The following GPR158 variants were observed in gnomAD, a reference collection of about 807,000 sequenced individuals.
GPR158 encodes the protein metabotropic glycine receptor.
A neutral mutation model predicts 78.2 loss-of-function variants in GPR158; 30 were observed. That is an observed-to-expected ratio of 0.38 (90% confidence interval 0.29 to 0.52). GPR158 has a LOEUF of 0.52. Among genes scored for constraint, GPR158 ranks in the 20% least tolerant of loss-of-function variants. The probability of loss-of-function intolerance (pLI) is 0.83; values close to 1 mark genes in which losing one functional copy is unlikely to be tolerated. For missense variants in GPR158, 1,463 were observed against 1,523.5 expected, an observed-to-expected ratio of 0.96 and a Z score of 0.66; for synonymous variants, 581 against 591.1, an observed-to-expected ratio of 0.98 and a Z score of 0.25.
intron 5 of GPR158, among the ~76,000 whole-genome samples, chr10:25,522,798 G>A (rs142436726): frequency 5.3e-4 from 80 of 152,254 alleles, no homozygotes; most frequent in African/African-American, 1.8e-3. Flanking sequence ...ACTGTGAAGG[G>A]GAATTAGGAA....
chr10:25,360,868 A>T (rs943047476), intron 2 of GPR158, among the ~76,000 whole-genome samples: 1 of 152,022 alleles, frequency 6.6e-6, no homozygotes, highest in Non-Finnish European at 1.5e-5. Flanking sequence ...GGCCATTTTC[A>T]TGATATTGAT....
intron 8 of GPR158, among the ~76,000 whole-genome samples, chr10:25,592,407 A>C (rs1262362112): frequency 6.6e-6 from 1 of 152,102 alleles, no homozygotes; most frequent in East Asian, 1.9e-4. Context: ...AAAGCACAAG[A>C]CTTTTAAGTG....
At chr10:25,406,326 C>G (rs1302310558) in intron 3 of GPR158, among the ~76,000 whole-genome samples, 1 of 152,102 alleles carries the variant, frequency 6.6e-6, no homozygotes, top group East Asian at 1.9e-4. Flanking sequence ...GCATTGTATA[C>G]AGTTTTTAGA....
intron 2 of GPR158, among the ~76,000 whole-genome samples, chr10:25,353,583 T>C (rs1450731490): frequency 6.6e-6 from 1 of 152,060 alleles, no homozygotes; most frequent in Non-Finnish European, 1.5e-5. Flanking sequence ...TTATATTTTA[T>C]TGTGGGATTA....
At chr10:25,430,868 C>T (rs545487194) in intron 4 of GPR158, among the ~76,000 whole-genome samples, 3 of 151,534 alleles carry the variant, frequency 2.0e-5, no homozygotes, top group Admixed American at 1.3e-4. Context: ...AATTCAACAT[C>T]GATTAAAGAC....
intron 1 of GPR158, among the ~76,000 whole-genome samples, chr10:25,220,190 C>G (rs1441523688): frequency 6.6e-6 from 1 of 152,108 alleles, no homozygotes; most frequent in Non-Finnish European, 1.5e-5. Flanking sequence ...GCCCAGGATG[C>G]AGAATACTTA....
At chr10:25,247,902 C>T (rs1564401388) in intron 2 of GPR158, among the ~76,000 whole-genome samples, 1 of 147,996 alleles carries the variant, frequency 6.8e-6, no homozygotes, top group Non-Finnish European at 1.5e-5. Context: ...CTGACTTCCA[C>T]AATGGTTGAA....
chr10:25,182,433 A>G (rs1397367634), intron 1 of GPR158, among the ~76,000 whole-genome samples: 1 of 152,202 alleles, frequency 6.6e-6, no homozygotes, highest in East Asian at 1.9e-4. Context: ...GTTGGCTTTA[A>G]AATTTCAAAA....
intron 1 of GPR158, among the ~76,000 whole-genome samples, chr10:25,218,286 G>A (rs997687014): frequency 6.6e-6 from 1 of 152,108 alleles, no homozygotes. Context: ...TTTTGCACAA[G>A]CCTGGAATGC....
chr10:25,343,911 G>C (rs1003638058), intron 2 of GPR158, among the ~76,000 whole-genome samples: 2 of 151,956 alleles, frequency 1.3e-5, no homozygotes, highest in African/African-American at 4.8e-5. Context: ...AGGCACTGTT[G>C]AATCAGGTGT....
chr10:25,515,798 T>C (rs1335792912), intron 5 of GPR158, among the ~76,000 whole-genome samples: 5 of 148,198 alleles, frequency 3.4e-5, no homozygotes, highest in Non-Finnish European at 6.0e-5. Flanking sequence ...GTTCCAAGTC[T>C]TTGCTATTGT....
At chr10:25,246,587 A>T (rs1451196220) in intron 2 of GPR158, among the ~76,000 whole-genome samples, 3 of 152,220 alleles carry the variant, frequency 2.0e-5, no homozygotes, top group Non-Finnish European at 4.4e-5. Context: ...ATGATGAGTG[A>T]CATGGCACCT....
chr10:25,387,526 T>A (rs1184487528), intron 2 of GPR158, among the ~76,000 whole-genome samples: 1 of 151,612 alleles, frequency 6.6e-6, no homozygotes, highest in Non-Finnish European at 1.5e-5. Context: ...ATTTTTTTTT[T>A]TTTTTTTGAG....
intron 3 of GPR158, among the ~76,000 whole-genome samples, chr10:25,411,203 T>C (rs1834580346): frequency 6.6e-6 from 1 of 152,146 alleles, no homozygotes; most frequent in African/African-American, 2.4e-5. Flanking sequence ...AGAAGTAACT[T>C]AAGTTTGATA....
intron 1 of GPR158, among the ~76,000 whole-genome samples, chr10:25,190,974 A>G (rs1387773664): frequency 6.6e-6 from 1 of 152,212 alleles, no homozygotes; most frequent in Non-Finnish European, 1.5e-5. Flanking sequence ...AGAAAGATGA[A>G]GACTATGATT....
chr10:25,180,743 A>C (rs1852601488), intron 1 of GPR158, among the ~76,000 whole-genome samples: 2 of 152,158 alleles, frequency 1.3e-5, no homozygotes. Context: ...CCACATGGTC[A>C]ACAAATATGT....
chr10:25,544,290 A>ATTT (rs71848369), intron 5 of GPR158, among the ~76,000 whole-genome samples: 40,459 of 150,126 alleles, frequency 0.27, 5,981 homozygotes, highest in Non-Finnish European at 0.35. Flanking sequence ...ATAGTGTTTT[A>ATTT]TTTTTTTTTT....
intron 2 of GPR158, among the ~76,000 whole-genome samples, chr10:25,386,894 A>G (rs2130514623): frequency 6.6e-6 from 1 of 152,266 alleles, no homozygotes; most frequent in Non-Finnish European, 1.5e-5. Context: ...CTACCCTCAA[A>G]TTATATAAGA....
chr10:25,373,881 T>C (rs1588832829), intron 2 of GPR158, among the ~76,000 whole-genome samples: 1 of 151,914 alleles, frequency 6.6e-6, no homozygotes, highest in African/African-American at 2.4e-5. Context: ...ATTTATACAC[T>C]TGAAAAGAAT....
Sources: allele counts gnomAD v4.1 joint callset (sites outside exome capture counted in the v4.1 genomes callset), GRCh38; gene constraint gnomAD v4.1.1; transcripts MANE v1.5; gene names NCBI Gene and HGNC (gene_info 2026-07-23, HGNC 2026-07-21).